Variants in PPIL4 observed in about 807,000 individuals in gnomAD.
PPIL4 encodes the protein peptidyl-prolyl cis-trans isomerase-like 4.
Under a neutral mutation model 69.1 loss-of-function variants are expected in PPIL4, and 50 were observed. That is an observed-to-expected ratio of 0.72 (90% CI 0.58 to 0.92). The LOEUF is 0.92. PPIL4 is among the 40% of genes least tolerant of loss of function. PPIL4 has a pLI of 0.00. For synonymous variants in PPIL4, 193 were observed against 191.6 expected (o/e 1.01, Z -0.06); for missense variants, 480 against 587.9 (o/e 0.82, Z 1.90).
chr6:149,532,571 C>G (rs9377224), intron 7 of PPIL4, among the ~76,000 whole-genome samples: 29,682 of 151,986 alleles, frequency 0.2, 4,418 homozygotes, highest in East Asian at 0.77. Flanking sequence ...ACTATACAGC[C>G]TTTACTATTT....
intron 9 of PPIL4, among the ~76,000 whole-genome samples, chr6:149,523,126 C>G (rs1345575104): frequency 6.6e-6 from 1 of 151,928 alleles, no homozygotes; most frequent in East Asian, 1.9e-4. Flanking sequence ...AAAATACTGA[C>G]AACCTGAACC....
chr6:149,541,038 T>C lies in PPIL4; in HGVS notation c.225A>G (p.Ala75=). Residue 75 remains alanine, a synonymous_variant, in exon 4 of 13, where the codon GCA becomes GCG. Coordinates refer to ENST00000253329, the MANE Select transcript of PPIL4 (RefSeq NM_139126.4). The part of the protein sequence containing the change: ...SIFGQLYGDQ[A]SFFEAEKVPR... ...GGACTTTTTCTGCCTCAAAAAAGCT[T>C]GCTTGATCACCATACAGTTGGCTGA... The C allele has an allele frequency of 6.2e-7, 1 of 1,611,202 alleles. No homozygotes were observed. Among genetic ancestry groups the C allele is most frequent in the Non-Finnish European group, 8.5e-7 (1 of 1,177,738 alleles).
chr6:149,516,479 A>G (rs1279972105), intron 11 of PPIL4, among the ~76,000 whole-genome samples: 6 of 151,824 alleles, frequency 4.0e-5, no homozygotes, highest in Admixed American at 6.6e-5. Flanking sequence ...ACATATGTAG[A>G]AAAAAAAATC....
chr6:149,521,062 T>C lies in PPIL4; in HGVS notation c.980A>G (p.Lys327Arg). Residue 327 changes from lysine to arginine, a missense_variant and splice_region_variant, in exon 10 of 13, where the codon AAA (lysine) becomes AGA (arginine). Lys to Arg is a conservative substitution (Grantham distance 26, BLOSUM62 2). Transcript: ENST00000253329. ...QSVAKVKWKG[K>R]GGKYTKSDFK... is the part of the protein sequence containing the mutation. ...AAACAAAAGATAAACCATCATACCT[T>C]TTCCTTTCCATTTAACCTTTGCAAC... 1 of 1,525,422 alleles carries C rather than the reference T, an allele frequency of 6.6e-7. No homozygotes were observed. The highest frequency in any genetic ancestry group is 9.0e-7 in the Non-Finnish European group (1 of 1,108,116). 94.5% of individuals were successfully genotyped at this position (1,525,422 alleles called of 1,614,324 possible).
chr6:149,505,259 A>T lies in PPIL4; in HGVS notation c.*194T>A. The T allele has an allele frequency of 2.1e-6, 1 of 482,716 alleles. No individual in the cohort carries two copies. The highest frequency in any genetic ancestry group is 3.6e-6 in the Non-Finnish European group (1 of 279,106). The allele number at this position is 482,716 out of a possible 1,614,324, so 29.9% of individuals were successfully genotyped here. A position where few individuals can be genotyped will look rare whatever the true frequency, so the allele number is the denominator to read the frequency against. ...TTATGTATAACAATAAAATTAGTGT[A>T]AAAAAGTATACAAAGAAAATGTTCA... On this transcript the variant is annotated 3_prime_UTR_variant, in exon 13 of 13. Transcript: ENST00000253329.
chr6:149,534,608 G>A, intron 6 of PPIL4, 70 bp downstream of exon 6: 1 of 801,304 alleles, frequency 1.2e-6, no homozygotes, highest in Non-Finnish European at 2.0e-6. Context: ...AACTTTAACA[G>A]ATGAAAAAGA....
At position 149,545,989 on chromosome 6, in the gene PPIL4, T is replaced by C. The variant is rs1452643908; in HGVS notation, c.17A>G (p.Glu6Gly). ...GATGACGACGTCGCCTAAAGTGGTC[T>C]CCAGTAGAACCGCCATGGCGCCCGC... MAVLL[E>G]TTLGDVVIDL... is the part of the protein sequence containing the mutation. Residue 6 changes from glutamate to glycine, a missense_variant, in exon 1 of 13, where the codon GAG (glutamate) becomes GGG (glycine). Glu to Gly is a moderately conservative substitution (Grantham distance 98, BLOSUM62 -2). Coordinates refer to ENST00000253329, the MANE Select transcript of PPIL4 (RefSeq NM_139126.4). 1.9e-6 allele frequency: 3 copies of C among 1,584,468 alleles called. No individual in the cohort carries two copies. The highest frequency in any genetic ancestry group is 1.7e-6 in the Non-Finnish European group (2 of 1,162,686).
At chr6:149,521,450 T>G (rs143980649) in intron 9 of PPIL4, among the ~76,000 whole-genome samples, 10 of 152,338 alleles carry the variant, frequency 6.6e-5, no homozygotes, top group African/African-American at 2.2e-4. Context: ...ACAGTCCAAC[T>G]GCAGTGAACA....
chr6:149,538,513 T>C (rs991723335), intron 4 of PPIL4, among the ~76,000 whole-genome samples: 14 of 152,164 alleles, frequency 9.2e-5, no homozygotes, highest in Non-Finnish European at 1.2e-4. Flanking sequence ...CTGCCATAGA[T>C]GGTGATTCCT....
At chr6:149,508,371 A>G (rs1776796472) in intron 12 of PPIL4, among the ~76,000 whole-genome samples, 3 of 152,202 alleles carry the variant, frequency 2.0e-5, no homozygotes, top group Non-Finnish European at 4.4e-5. Flanking sequence ...TTTAAAAGTT[A>G]TATTATTTAT....
chr6:149,522,554 C>A (rs942400491), intron 9 of PPIL4, among the ~76,000 whole-genome samples: 6 of 152,106 alleles, frequency 3.9e-5, no homozygotes, highest in Non-Finnish European at 7.4e-5. Context: ...TGGGGCAGGA[C>A]AACTTTTTTT....
At chr6:149,510,081 C>CACT (rs10658117) in intron 12 of PPIL4, among the ~76,000 whole-genome samples, 4,087 of 152,088 alleles carry the variant, frequency 0.027, 157 homozygotes, top group African/African-American at 0.092. Context: ...TTATTACCAC[C>CACT]GATTCATGTG....
At position 149,541,068 on chromosome 6, in the gene PPIL4, AC is replaced by A. The variant is rs1562263044; in HGVS notation, c.204-10del. 6.7e-7 allele frequency: 1 copy of A among 1,498,442 alleles called. No homozygotes were observed. The allele number at this position is 1,498,442 out of a possible 1,614,324, so 92.8% of individuals were successfully genotyped here. On this transcript the variant is annotated splice_polypyrimidine_tract_variant and intron_variant, in intron 3 of 12. Coordinates refer to ENST00000253329, the MANE Select transcript of PPIL4 (RefSeq NM_139126.4). ...GATCACCATACAGTTGGCTGAAAAA[AC>A]ATATAAGGTTATAAATGTAAGTACT...
chr6:149,541,724 G>T, intron 1 of PPIL4, 138 bp from the exon 2 acceptor site: 1 of 547,962 alleles, frequency 1.8e-6, no homozygotes, highest in Non-Finnish European at 3.3e-6. Flanking sequence ...ATAAAAAAGG[G>T]CAATAGGCCG....
intron 9 of PPIL4, among the ~76,000 whole-genome samples, chr6:149,523,539 A>C (rs995695684): frequency 6.6e-6 from 1 of 152,282 alleles, no homozygotes; most frequent in South Asian, 2.1e-4. Context: ...AAAAATTCAA[A>C]AATGAGCCAG....
chr6:149,528,205 C>T (rs116702165), intron 7 of PPIL4, among the ~76,000 whole-genome samples: 1,632 of 152,238 alleles, frequency 0.011, 29 homozygotes, highest in African/African-American at 0.038. Flanking sequence ...GCTATGATCA[C>T]ACCACTGCAC....
chr6:149,544,438 T>G (rs1442768134), intron 1 of PPIL4, among the ~76,000 whole-genome samples: 1 of 152,202 alleles, frequency 6.6e-6, no homozygotes, highest in Non-Finnish European at 1.5e-5. Context: ...TAGCAGACAT[T>G]GTACTGGGTA....
chr6:149,524,857 C>A (rs750888507), intron 9 of PPIL4, among the ~76,000 whole-genome samples: 8 of 151,540 alleles, frequency 5.3e-5, no homozygotes, highest in Non-Finnish European at 8.8e-5. Context: ...GTCGAGACTG[C>A]GCCACTGCAC....
At position 149,541,544 on chromosome 6, in the gene PPIL4, T is replaced by C. The variant is rs753815094; in HGVS notation, c.113A>G (p.Asn38Ser). Residue 38 changes from asparagine to serine, a missense_variant, in exon 2 of 13, where the codon AAT becomes AGT. Asn to Ser is a conservative substitution (Grantham distance 46). Coordinates refer to ENST00000253329, the MANE Select transcript of PPIL4 (RefSeq NM_139126.4). ...CTGTACATTGTGAATAAGGCAATAA[T>C]TGTAATATTTTATTTTGCACAGTTT... is the stretch of plus-strand genomic sequence containing the variant. ...FLKLCKIKYY[N>S]YCLIHNVQRD... The C allele has an allele frequency of 6.3e-7, 1 of 1,587,896 alleles. No homozygotes were observed. Among genetic ancestry groups the C allele is most frequent in the South Asian group, 1.1e-5 (1 of 90,018 alleles).
Sources: gnomAD v4.1 joint callset for allele counts (sites outside exome capture counted in the v4.1 genomes callset) on GRCh38, gnomAD v4.1.1 for gene constraint, MANE v1.5 for transcripts, NCBI Gene and HGNC (gene_info 2026-07-23, HGNC 2026-07-21) for gene names.